Variants in PARN observed in about 807,000 individuals in gnomAD.
The protein encoded by PARN is poly(A)-specific ribonuclease PARN.
A neutral mutation model predicts 102.8 loss-of-function variants in PARN; 71 were observed. The observed-to-expected ratio is 0.69, with a 90% CI of 0.57 to 0.84. The LOEUF is 0.84. Ranked by LOEUF, PARN falls within the 40% of genes least tolerant of loss-of-function variation. The pLI is 0.00. For missense variants in PARN, 782 were observed against 760.9 expected, an observed-to-expected ratio of 1.03 and a Z score of -0.33; for synonymous variants, 261 against 252.9, an observed-to-expected ratio of 1.03 and a Z score of -0.30.
intron 6 of PARN, among the ~76,000 whole-genome samples, chr16:14,612,951 G>A (rs1971608384): frequency 6.7e-6 from 1 of 149,130 alleles, no homozygotes; most frequent in Admixed American, 6.7e-5. Flanking sequence ...GCAGTTACAA[G>A]CCTATAGCTC....
intron 21 of PARN, among the ~76,000 whole-genome samples, chr16:14,509,010 GCAATT>G (rs1196197870): frequency 4.0e-5 from 6 of 151,334 alleles, no homozygotes; most frequent in African/African-American, 1.2e-4. Flanking sequence ...TTCCAAAGAA[GCAATT>G]AAATTATAAA....
At chr16:14,514,348 C>T (rs995684758) in intron 21 of PARN, among the ~76,000 whole-genome samples, 1 of 152,044 alleles carries the variant, frequency 6.6e-6, no homozygotes, top group Admixed American at 6.6e-5. Context: ...CCATGCCTGG[C>T]TAGTTTTTTT....
intron 22 of PARN, among the ~76,000 whole-genome samples, chr16:14,452,661 T>A (rs924345424): frequency 1.3e-5 from 2 of 152,224 alleles, no homozygotes; most frequent in Non-Finnish European, 2.9e-5. Flanking sequence ...TAATTGCTAA[T>A]CTGTATTTCT....
At chr16:14,623,050 G>C (rs916408375) in intron 5 of PARN, among the ~76,000 whole-genome samples, 5 of 150,556 alleles carry the variant, frequency 3.3e-5, no homozygotes, top group African/African-American at 1.2e-4. Flanking sequence ...GCTGCAGTGA[G>C]CCATGACAAC....
chr16:14,514,351 G>GT (rs1235196273), intron 21 of PARN, among the ~76,000 whole-genome samples: 9 of 151,580 alleles, frequency 5.9e-5, no homozygotes, highest in Admixed American at 2.0e-4. Flanking sequence ...TGCCTGGCTA[G>GT]TTTTTTTTGT....
At chr16:14,588,033 G>A (rs989942079) in intron 13 of PARN, among the ~76,000 whole-genome samples, 1 of 152,138 alleles carries the variant, frequency 6.6e-6, no homozygotes, top group Non-Finnish European at 1.5e-5. Flanking sequence ...TATAATACAA[G>A]ACAAAATTTA....
chr16:14,459,813 T>C (rs1372631826), intron 22 of PARN, among the ~76,000 whole-genome samples: 1 of 152,164 alleles, frequency 6.6e-6, no homozygotes, highest in Non-Finnish European at 1.5e-5. Context: ...TATAGATCAA[T>C]GGAATAGAAT....
chr16:14,629,674 T>G lies in PARN; in HGVS notation c.20A>C (p.Asn7Thr). ...CACTTTGTGAAGATTACTCTTAAAATCTGCGGAGAAACCGAAAAGAGGCTC... is the reference window on the plus strand; with the variant it reads ...CACTTTGTGAAGATTACTCTTAAAAGCTGCGGAGAAACCGAAAAGAGGCTC... Reference protein sequence around the residue: MEIIRSNFKSNLHKVYQ... With the variant: MEIIRSTFKSNLHKVYQ... Residue 7 changes from asparagine to threonine, a missense_variant and splice_region_variant, in exon 2 of 24, where the codon AAT becomes ACT. Transcript: ENST00000437198. 1.2e-6 allele frequency: 2 copies of G among 1,611,202 alleles called. No individual in the cohort carries two copies. Among genetic ancestry groups the G allele is most frequent in the Non-Finnish European group, 8.5e-7 (1 of 1,177,318 alleles).
intron 18 of PARN, among the ~76,000 whole-genome samples, chr16:14,570,321 CAAAAAAAAA>C (rs59965954): frequency 7.8e-4 from 49 of 63,070 alleles, no homozygotes; most frequent in African/African-American, 3.2e-3. Flanking sequence ...GACTCTGTCT[CAAAAAAAAA>C]AAAAAAAAAA....
At position 14,551,918 on chromosome 16, in the gene PARN, T is replaced by C. The variant is rs554634025; in HGVS notation, c.1480+103A>G. The C allele has an allele frequency of 6.6e-4, 441 of 665,888 alleles. 3 individuals carry two copies. Among genetic ancestry groups the C allele is most frequent in the African/African-American group, 5.0e-3 (277 of 55,336 alleles). 41.2% of individuals were successfully genotyped at this position (665,888 alleles called of 1,614,324 possible). A position where few individuals can be genotyped will look rare whatever the true frequency, so the allele number is the denominator to read the frequency against. ...ATCTCAAAAACAAACGAGGCAGCAA[T>C]GAGTGTAAGCTGACTGAGCCCATAG... On this transcript the variant is annotated intron_variant, in intron 21 of 23. Coordinates refer to ENST00000437198, the MANE Select transcript of PARN (RefSeq NM_002582.4).
chr16:14,622,304 G>A (rs1272103890), intron 5 of PARN, among the ~76,000 whole-genome samples: 3 of 152,140 alleles, frequency 2.0e-5, no homozygotes, highest in Non-Finnish European at 4.4e-5. Context: ...TCTCCTTCTA[G>A]GAAATCTACA....
intron 13 of PARN, among the ~76,000 whole-genome samples, chr16:14,592,446 A>C (rs1970257236): frequency 6.6e-6 from 1 of 152,194 alleles, no homozygotes; most frequent in African/African-American, 2.4e-5. Context: ...AAAAGAGTGG[A>C]GCGCAGAGTG....
At chr16:14,477,741 T>C (rs1030897919) in intron 22 of PARN, among the ~76,000 whole-genome samples, 6 of 150,602 alleles carry the variant, frequency 4.0e-5, no homozygotes, top group Non-Finnish European at 8.9e-5. Flanking sequence ...ATTGCGCCAC[T>C]GCACTCCAGC....
At chr16:14,593,427 C>T (rs1247832371) in intron 12 of PARN, 49 bp from the exon 13 acceptor site, 1 of 698,184 alleles carries the variant, frequency 1.4e-6, no homozygotes, top group South Asian at 1.4e-5. Context: ...CGAAATTATA[C>T]TGGGGTTTCA....
At chr16:14,564,083 C>T (rs1468279536) in intron 18 of PARN, among the ~76,000 whole-genome samples, 3 of 152,170 alleles carry the variant, frequency 2.0e-5, no homozygotes, top group East Asian at 1.9e-4. Context: ...GCCCTACACA[C>T]GCAGGCCCTG....
At chr16:14,446,382 A>C (rs1359429317) in intron 23 of PARN, among the ~76,000 whole-genome samples, 1 of 152,212 alleles carries the variant, frequency 6.6e-6, no homozygotes, top group Non-Finnish European at 1.5e-5. Flanking sequence ...AAATGAAATA[A>C]GGAGAGAAAT....
chr16:14,470,155 A>AT, intron 22 of PARN, among the ~76,000 whole-genome samples: 1 of 152,330 alleles, frequency 6.6e-6, no homozygotes, highest in Non-Finnish European at 1.5e-5. Flanking sequence ...CAAAGGTCAT[A>AT]TAAGTATAAG....
At chr16:14,593,263 TC>T (rs1479199019) in intron 13 of PARN, 37 bp downstream of exon 13, 1 of 1,067,658 alleles carries the variant, frequency 9.4e-7, no homozygotes, top group African/African-American at 1.6e-5. Context: ...ATAAAAAGAA[TC>T]CTGCTAATAT....
At chr16:14,488,593 A>AGG in intron 21 of PARN, among the ~76,000 whole-genome samples, 1 of 152,344 alleles carries the variant, frequency 6.6e-6, no homozygotes, top group Admixed American at 6.5e-5. Flanking sequence ...CACAGAAGGG[A>AGG]GGTGTGTGAG....
Sources: allele counts gnomAD v4.1 joint callset (sites outside exome capture counted in the v4.1 genomes callset), GRCh38; gene constraint gnomAD v4.1.1; transcripts MANE v1.5; gene names NCBI Gene and HGNC (gene_info 2026-07-23, HGNC 2026-07-21).